GALNT13: variants seen among roughly 807,000 people sequenced by gnomAD.
GALNT13 encodes the protein polypeptide N-acetylgalactosaminyltransferase 13.
Under a neutral mutation model 64.2 loss-of-function variants are expected in GALNT13, and 28 were observed. The observed-to-expected ratio is 0.44, with a 90% CI of 0.32 to 0.60. GALNT13 has a LOEUF of 0.60. Among genes scored for constraint, GALNT13 ranks in the 20% least tolerant of loss-of-function variants. GALNT13 has a pLI of 0.05. For synonymous variants in GALNT13, 214 were observed against 224.6 expected, an observed-to-expected ratio of 0.95 and a Z score of 0.42; for missense variants, 577 against 669.8, an observed-to-expected ratio of 0.86 and a Z score of 1.53.
At chr2:153,856,229 T>C in the GALNT13 span, among the ~76,000 whole-genome samples, 1 of 128,726 alleles carries the variant, frequency 7.8e-6, no homozygotes, top group African/African-American at 3.0e-5. Flanking sequence ...GTGTTATAAA[T>C]TGTATCTCAA....
At chr2:153,171,157 G>A in the GALNT13 span, among the ~76,000 whole-genome samples, 18 of 152,306 alleles carry the variant, frequency 1.2e-4, no homozygotes, top group East Asian at 3.5e-3. Context: ...AGCCAATTAT[G>A]GTCGTCTCGT....
intron 3 of GALNT13, among the ~76,000 whole-genome samples, chr2:154,126,057 T>C (rs144500167): frequency 6.6e-6 from 1 of 152,290 alleles, no homozygotes; most frequent in African/African-American, 2.4e-5. Flanking sequence ...AGTAAGTTGC[T>C]ACTATCATGT....
At chr2:153,403,116 T>A in the GALNT13 span, among the ~76,000 whole-genome samples, 4 of 151,654 alleles carry the variant, frequency 2.6e-5, no homozygotes, top group African/African-American at 9.7e-5. Flanking sequence ...GGTGTGGATG[T>A]CCTTTATGTT....
chr2:153,719,229 T>C, the GALNT13 span, among the ~76,000 whole-genome samples: 56 of 152,180 alleles, frequency 3.7e-4, no homozygotes, highest in Non-Finnish European at 6.8e-4. Flanking sequence ...GTAGAAATTA[T>C]GGCTTGGGAG....
chr2:154,420,778 A>C (rs1475831298), intron 11 of GALNT13, among the ~76,000 whole-genome samples: 2 of 152,112 alleles, frequency 1.3e-5, no homozygotes, highest in Non-Finnish European at 2.9e-5. Flanking sequence ...ATGTAGTAAA[A>C]GTCAGTTTAT....
At chr2:154,366,735 G>A (rs778916036) in intron 9 of GALNT13, among the ~76,000 whole-genome samples, 1 of 152,194 alleles carries the variant, frequency 6.6e-6, no homozygotes, top group Non-Finnish European at 1.5e-5. Flanking sequence ...GACAGAAACA[G>A]AGTTGGAGTC....
intron 8 of GALNT13, among the ~76,000 whole-genome samples, chr2:154,287,961 CTTTG>C (rs1692371131): frequency 6.6e-6 from 1 of 152,104 alleles, no homozygotes; most frequent in Non-Finnish European, 1.5e-5. Context: ...CCTCAAAACA[CTTTG>C]TTTGTCCAAC....
chr2:153,969,447 T>C (rs1329554830), intron 3 of GALNT13, among the ~76,000 whole-genome samples: 1 of 152,088 alleles, frequency 6.6e-6, no homozygotes, highest in Non-Finnish European at 1.5e-5. Context: ...TTTTGTTCAA[T>C]ATAGAAAAAT....
the GALNT13 span, among the ~76,000 whole-genome samples, chr2:153,142,637 C>G: frequency 6.7e-6 from 1 of 150,314 alleles, no homozygotes; most frequent in Non-Finnish European, 1.5e-5. Flanking sequence ...AGAGAGAGAT[C>G]GATAAATGAA....
chr2:153,436,224 T>G, the GALNT13 span, among the ~76,000 whole-genome samples: 11 of 152,192 alleles, frequency 7.2e-5, 1 homozygote, highest in South Asian at 6.2e-4. Flanking sequence ...GCTGGATTCG[T>G]TTTGCCAGTA....
At chr2:154,297,959 A>G (rs1693025787) in intron 8 of GALNT13, among the ~76,000 whole-genome samples, 1 of 152,126 alleles carries the variant, frequency 6.6e-6, no homozygotes, top group African/African-American at 2.4e-5. Context: ...TTCTGTTTGT[A>G]TGTTTCTGGG....
chr2:153,769,118 A>G, the GALNT13 span, among the ~76,000 whole-genome samples: 1 of 151,784 alleles, frequency 6.6e-6, no homozygotes, highest in East Asian at 1.9e-4. Context: ...ATTATGTGGG[A>G]TTTTGTTCTT....
intron 8 of GALNT13, among the ~76,000 whole-genome samples, chr2:154,260,720 T>C (rs2105904300): frequency 6.6e-6 from 1 of 152,098 alleles, no homozygotes; most frequent in African/African-American, 2.4e-5. Flanking sequence ...AAATAAGAGG[T>C]AACAGAAAAA....
chr2:154,169,052 G>C (rs1685199600), intron 4 of GALNT13, among the ~76,000 whole-genome samples: 1 of 151,876 alleles, frequency 6.6e-6, no homozygotes, highest in African/African-American at 2.4e-5. Flanking sequence ...AAAGGAGGGA[G>C]GTGATAGGCT....
the GALNT13 span, among the ~76,000 whole-genome samples, chr2:153,753,474 CTG>C: frequency 6.6e-5 from 10 of 152,212 alleles, no homozygotes; most frequent in Non-Finnish European, 1.5e-4. Context: ...CCCAGTAACA[CTG>C]TGATTCTTGT....
intron 3 of GALNT13, among the ~76,000 whole-genome samples, chr2:154,001,896 C>G (rs1695933694): frequency 1.3e-5 from 2 of 151,946 alleles, no homozygotes; most frequent in African/African-American, 4.8e-5. Flanking sequence ...AAATCATTCC[C>G]CTTCATGTTT....
At chr2:154,376,662 A>T (rs1051272852) in intron 9 of GALNT13, among the ~76,000 whole-genome samples, 4 of 152,152 alleles carry the variant, frequency 2.6e-5, no homozygotes, top group Non-Finnish European at 2.9e-5. Flanking sequence ...ACAGGTTAAT[A>T]GTGTCAACTT....
At chr2:153,308,563 C>T in the GALNT13 span, among the ~76,000 whole-genome samples, 2 of 152,106 alleles carry the variant, frequency 1.3e-5, no homozygotes, top group African/African-American at 2.4e-5. Context: ...TCATATGGCT[C>T]CTCTGGGGAG....
At chr2:153,121,572 C>G in the GALNT13 span, among the ~76,000 whole-genome samples, 1 of 152,250 alleles carries the variant, frequency 6.6e-6, no homozygotes, top group South Asian at 2.1e-4. Flanking sequence ...CACTCTGTTG[C>G]CCAGGCTGGA....
Sources: gnomAD v4.1 joint callset for allele counts (sites outside exome capture counted in the v4.1 genomes callset) on GRCh38, gnomAD v4.1.1 for gene constraint, MANE v1.5 for transcripts, NCBI Gene and HGNC (gene_info 2026-07-23, HGNC 2026-07-21) for gene names.